Variants in FAM135B observed in about 807,000 individuals in gnomAD.
The protein encoded by FAM135B is protein FAM135B.
Under a neutral mutation model 127.7 loss-of-function variants are expected in FAM135B, and 43 were observed. The ratio of observed to expected loss-of-function variants is 0.34; its 90% CI spans 0.26 to 0.43. The LOEUF (loss-of-function observed/expected upper bound fraction) is 0.43, where lower values mean the gene tolerates loss of function less well. Ranked by LOEUF, FAM135B falls within the 20% of genes least tolerant of loss-of-function variation. The probability of loss-of-function intolerance (pLI) is 1.00; values close to 1 mark genes in which losing one functional copy is unlikely to be tolerated. For missense variants in FAM135B, 1,558 were observed against 1,725.6 expected (o/e 0.90, Z 1.72); for synonymous variants, 670 against 665.1 (o/e 1.01, Z -0.11).
chr8:138,442,178 T>C (rs1267288038), intron 1 of FAM135B, among the ~76,000 whole-genome samples: 1 of 143,028 alleles, frequency 7.0e-6, no homozygotes, highest in Non-Finnish European at 1.5e-5. Context: ...ATACAGCTTG[T>C]CTTAGCCTAG....
chr8:138,413,045 A>T (rs1345797513), intron 1 of FAM135B, among the ~76,000 whole-genome samples: 1 of 152,182 alleles, frequency 6.6e-6, no homozygotes. Flanking sequence ...TGGTTGAGTG[A>T]CCCGGACCGT....
intron 12 of FAM135B, among the ~76,000 whole-genome samples, chr8:138,164,002 T>C (rs1819663281): frequency 1.3e-5 from 2 of 152,190 alleles, no homozygotes; most frequent in South Asian, 4.1e-4. Context: ...CAAATGCTAT[T>C]ATTTTAACAT....
chr8:138,282,499 C>G (rs1231051194), intron 3 of FAM135B, among the ~76,000 whole-genome samples: 1 of 152,014 alleles, frequency 6.6e-6, no homozygotes, highest in Non-Finnish European at 1.5e-5. Context: ...AACAAACAAC[C>G]CAATTAAAAA....
At chr8:138,177,532 G>A in intron 10 of FAM135B, 112 bp from the exon 11 acceptor site, 1 of 940,546 alleles carries the variant, frequency 1.1e-6, no homozygotes, top group Non-Finnish European at 1.6e-6. Flanking sequence ...AATAGGAAGA[G>A]AGCCAGGCCC....
At chr8:138,494,849 A>AAAAAAAAAAC (rs373037651) in intron 1 of FAM135B, among the ~76,000 whole-genome samples, 1,514 of 150,020 alleles carry the variant, frequency 0.01, 30 homozygotes, top group African/African-American at 0.036. Flanking sequence ...AAAAAAAAAA[A>AAAAAAAAAAC]AAACTTAATC....
At chr8:138,266,674 A>G (rs1207974337) in intron 3 of FAM135B, among the ~76,000 whole-genome samples, 1 of 149,624 alleles carries the variant, frequency 6.7e-6, no homozygotes, top group Non-Finnish European at 1.5e-5. Context: ...TCTAAAATAA[A>G]TAGCACTGCC....
intron 7 of FAM135B, among the ~76,000 whole-genome samples, chr8:138,235,661 C>G (rs75890592): frequency 6.6e-6 from 1 of 152,014 alleles, no homozygotes; most frequent in Non-Finnish European, 1.5e-5. Flanking sequence ...TTCCCCCTCC[C>G]CACCCTGCCC....
intron 7 of FAM135B, among the ~76,000 whole-genome samples, chr8:138,215,515 A>G (rs1818474739): frequency 6.6e-6 from 1 of 152,198 alleles, no homozygotes; most frequent in African/African-American, 2.4e-5. Context: ...TGAATCTAGC[A>G]TCTAATATTT....
At chr8:138,235,066 A>G (rs1172173156) in intron 7 of FAM135B, among the ~76,000 whole-genome samples, 1 of 152,218 alleles carries the variant, frequency 6.6e-6, no homozygotes, top group Admixed American at 6.5e-5. Flanking sequence ...AAAAGAAATC[A>G]AAACTTTCCT....
chr8:138,247,760 A>G (rs559586760), intron 6 of FAM135B, among the ~76,000 whole-genome samples: 1 of 152,352 alleles, frequency 6.6e-6, no homozygotes, highest in African/African-American at 2.4e-5. Flanking sequence ...CATAGATCTT[A>G]CCAGGTAACT....
chr8:138,472,361 G>A (rs1837730348), intron 1 of FAM135B, among the ~76,000 whole-genome samples: 1 of 152,174 alleles, frequency 6.6e-6, no homozygotes, highest in Non-Finnish European at 1.5e-5. Context: ...AGGGAGTAGG[G>A]AGGATCTGGC....
chr8:138,321,180 G>A (rs1827431111), intron 2 of FAM135B, among the ~76,000 whole-genome samples: 1 of 152,130 alleles, frequency 6.6e-6, no homozygotes, highest in Non-Finnish European at 1.5e-5. Flanking sequence ...CAGAATTATT[G>A]TGAGGCAGGA....
chr8:138,303,748 G>A (rs1826048310), intron 3 of FAM135B, among the ~76,000 whole-genome samples: 1 of 152,194 alleles, frequency 6.6e-6, no homozygotes, highest in African/African-American at 2.4e-5. Context: ...ACCTGTGCAT[G>A]AGAATCCATG....
intron 2 of FAM135B, among the ~76,000 whole-genome samples, chr8:138,317,935 A>G (rs771694605): frequency 6.6e-6 from 1 of 152,130 alleles, no homozygotes; most frequent in Non-Finnish European, 1.5e-5. Flanking sequence ...GCTTATTACG[A>G]CCCCGCAGAA....
Position 138,475,400 on chromosome 8 carries a change from G to A in FAM135B, c.-20+21271C>T, listed in dbSNP as rs116229298. Among the ~76,000 whole-genome samples, 934 of 152,078 alleles carry A rather than the reference G, an allele frequency of 6.1e-3. 5 individuals are homozygous for A. Among genetic ancestry groups the A allele is most frequent in the African/African-American group, 0.022 (904 of 41,478 alleles). Reference sequence around the variant, plus strand: ...AATTTCTACTTCCAACCCAGACGTCGCCCAAAGCCACAGACTATAGAGAGC... The same window carrying A: ...AATTTCTACTTCCAACCCAGACGTCACCCAAAGCCACAGACTATAGAGAGC... On this transcript the variant is annotated intron_variant, in intron 1 of 19. Transcript: ENST00000395297.
intron 1 of FAM135B, among the ~76,000 whole-genome samples, chr8:138,432,054 T>C (rs1835217841): frequency 6.6e-6 from 1 of 152,186 alleles, no homozygotes; most frequent in South Asian, 2.1e-4. Flanking sequence ...AACTGGCTAA[T>C]ACCCATCAGA....
intron 12 of FAM135B, among the ~76,000 whole-genome samples, chr8:138,154,943 A>G (rs1313700645): frequency 6.6e-6 from 1 of 152,224 alleles, no homozygotes; most frequent in Non-Finnish European, 1.5e-5. Flanking sequence ...AAATACAGAG[A>G]ACTCCACAAA....
chr8:138,374,158 C>A (rs28705952), intron 1 of FAM135B, among the ~76,000 whole-genome samples: 1 of 152,178 alleles, frequency 6.6e-6, no homozygotes, highest in Non-Finnish European at 1.5e-5. Context: ...GGACGCCCAG[C>A]TTTAAAATTT....
At position 138,242,190 on chromosome 8, in the gene FAM135B, T is replaced by TGTGC. The variant is rs1333841956; in HGVS notation, c.669+751_669+752insGCAC. On this transcript the variant is annotated intron_variant, in intron 7 of 19. Transcript: ENST00000395297. The surrounding 1 kb of genome is among the most constrained non-coding windows in gnomAD (Gnocchi z 9.6). The stretch of plus-strand genomic sequence containing the variant: ...TTGTGTGTGTGTGTGTGTGTGTGTG[T>TGTGC]GTGTGTGTGTGTGTGTGTGTGTGTG... Among the ~76,000 whole-genome samples, 3 of 148,686 alleles carry TGTGC rather than the reference T, an allele frequency of 2.0e-5. No individual in the cohort carries two copies. Among genetic ancestry groups the TGTGC allele is most frequent in the Non-Finnish European group, 3.0e-5 (2 of 67,146 alleles).
Sources: allele counts gnomAD v4.1 joint callset (sites outside exome capture counted in the v4.1 genomes callset), GRCh38; gene constraint gnomAD v4.1.1; non-coding constraint Gnocchi (gnomAD v3.1); transcripts MANE v1.5; gene names NCBI Gene and HGNC (gene_info 2026-07-23, HGNC 2026-07-21).